Variants in CTNNA3 observed in about 807,000 individuals in gnomAD.
CTNNA3 encodes the protein catenin alpha-3.
A neutral mutation model predicts 95.7 loss-of-function variants in CTNNA3; 76 were observed. The observed-to-expected ratio is 0.79, with a 90% confidence interval of 0.66 to 0.96. CTNNA3 has a LOEUF of 0.96. Ranked by LOEUF, CTNNA3 falls within the 40% of genes least tolerant of loss-of-function variation. The probability of loss-of-function intolerance (pLI) is 0.00; values close to 1 mark genes in which losing one functional copy is unlikely to be tolerated. For synonymous variants in CTNNA3, 431 were observed against 374.4 expected (o/e 1.15, Z -1.74); for missense variants, 1,191 against 1,089.8 (o/e 1.09, Z -1.31).
chr10:67,556,481 G>A (rs1028766202), intron 3 of CTNNA3, among the ~76,000 whole-genome samples: 5 of 152,058 alleles, frequency 3.3e-5, no homozygotes, highest in African/African-American at 1.2e-4. Context: ...GTTTAGTCTT[G>A]GGAGGGTGTA....
intron 11 of CTNNA3, among the ~76,000 whole-genome samples, chr10:66,428,295 A>G (rs1302552993): frequency 6.6e-6 from 1 of 152,108 alleles, no homozygotes; most frequent in Non-Finnish European, 1.5e-5. Context: ...CTCCCACACA[A>G]TGATAATGGA....
chr10:67,745,370 G>A (rs1589587893), intron 1 of CTNNA3, among the ~76,000 whole-genome samples: 1 of 152,058 alleles, frequency 6.6e-6, no homozygotes, highest in African/African-American at 2.4e-5. Context: ...TGACATGGTT[G>A]AAGCTGGAAA....
At chr10:67,613,114 G>A (rs529468774) in intron 2 of CTNNA3, among the ~76,000 whole-genome samples, 196 of 152,208 alleles carry the variant, frequency 1.3e-3, no homozygotes, top group African/African-American at 4.6e-3. Context: ...TCTTCTATCT[G>A]TGGAATCTGA....
intron 15 of CTNNA3, among the ~76,000 whole-genome samples, chr10:66,011,491 C>A (rs2079003790): frequency 6.6e-6 from 1 of 152,106 alleles, no homozygotes; most frequent in African/African-American, 2.4e-5. Flanking sequence ...AATTGTATGG[C>A]ATTTTACAAC....
chr10:67,708,410 T>C (rs1297116224), intron 1 of CTNNA3, among the ~76,000 whole-genome samples: 1 of 152,180 alleles, frequency 6.6e-6, no homozygotes, highest in Non-Finnish European at 1.5e-5. Context: ...CTTGTATTGA[T>C]GGTTCTAAAA....
At chr10:67,130,283 G>A (rs78218745) in intron 7 of CTNNA3, among the ~76,000 whole-genome samples, 3,922 of 152,134 alleles carry the variant, frequency 0.026, 165 homozygotes, top group East Asian at 0.14. Flanking sequence ...ATGAAATCCA[G>A]TCTCCTTGGT....
chr10:66,691,316 A>C (rs1359574633), intron 9 of CTNNA3, among the ~76,000 whole-genome samples: 3 of 152,176 alleles, frequency 2.0e-5, no homozygotes, highest in Non-Finnish European at 2.9e-5. Context: ...TATCCCACAC[A>C]TGGCTTGCAG....
At chr10:67,726,127 G>C (rs1261067673) in intron 1 of CTNNA3, among the ~76,000 whole-genome samples, 2 of 102,884 alleles carry the variant, frequency 1.9e-5, no homozygotes, top group Non-Finnish European at 3.5e-5. Flanking sequence ...TATTATATTA[G>C]ATAATATATA....
intron 5 of CTNNA3, among the ~76,000 whole-genome samples, chr10:67,442,913 T>A (rs976640123): frequency 2.0e-5 from 3 of 149,760 alleles, no homozygotes; most frequent in African/African-American, 7.3e-5. Context: ...TCATTTAGCA[T>A]TAGGTATATC....
Position 66,531,872 on chromosome 10 carries a change from AAC to A in CTNNA3, c.1375-11101_1375-11100del, listed in dbSNP as rs577859070. The stretch of plus-strand genomic sequence containing the variant: ...CAATGATGAAAAAATAAATATAGGC[AAC>A]AGAGATTTTTTGATCCATTATAATT... On this transcript the variant is annotated intron_variant, in intron 10 of 17. Coordinates refer to ENST00000433211, the MANE Select transcript of CTNNA3 (RefSeq NM_013266.4). Among the ~76,000 whole-genome samples, 28 of 152,272 alleles carry A rather than the reference AAC, an allele frequency of 1.8e-4. No homozygotes were observed. In the East Asian group the frequency reaches 5.0e-3, roughly 27 times the overall value.
chr10:66,423,936 G>T (rs940030281), intron 11 of CTNNA3, among the ~76,000 whole-genome samples: 1 of 152,182 alleles, frequency 6.6e-6, no homozygotes, highest in African/African-American at 2.4e-5. Flanking sequence ...GCCAAAGGTG[G>T]AAGAGTTAAT....
intron 15 of CTNNA3, among the ~76,000 whole-genome samples, chr10:66,050,279 C>T (rs909381687): frequency 1.3e-5 from 2 of 152,038 alleles, no homozygotes; most frequent in African/African-American, 4.8e-5. Flanking sequence ...TCCAAAATAT[C>T]TGATTTTGAA....
At chr10:66,238,693 T>TG (rs2089975810) in intron 13 of CTNNA3, among the ~76,000 whole-genome samples, 1 of 151,808 alleles carries the variant, frequency 6.6e-6, no homozygotes, top group Admixed American at 6.6e-5. Context: ...TATATATATA[T>TG]ATATAATTTT....
chr10:66,483,375 T>TA (rs199931354), intron 11 of CTNNA3, among the ~76,000 whole-genome samples: 1 of 151,946 alleles, frequency 6.6e-6, no homozygotes, highest in Non-Finnish European at 1.5e-5. Context: ...GCTTTTTTTT[T>TA]ATCATTATTA....
At chr10:66,870,149 T>A (rs190419333) in intron 7 of CTNNA3, among the ~76,000 whole-genome samples, 2 of 152,256 alleles carry the variant, frequency 1.3e-5, no homozygotes, top group Admixed American at 6.5e-5. Context: ...AATTTTTTTT[T>A]AAACTTCATT....
intron 12 of CTNNA3, among the ~76,000 whole-genome samples, chr10:66,312,362 G>A (rs2092032777): frequency 6.6e-6 from 1 of 152,018 alleles, no homozygotes; most frequent in East Asian, 1.9e-4. Context: ...ATCTTTCTTA[G>A]AAATTTTTGA....
intron 13 of CTNNA3, among the ~76,000 whole-genome samples, chr10:66,121,760 G>A (rs913141403): frequency 2.0e-5 from 3 of 152,080 alleles, no homozygotes; most frequent in Non-Finnish European, 2.9e-5. Context: ...TAGATCGCTT[G>A]AGCCCTGGAA....
chr10:66,169,691 G>T (rs10822735), intron 13 of CTNNA3, among the ~76,000 whole-genome samples: 92,986 of 151,960 alleles, frequency 0.61, 30,368 homozygotes, highest in South Asian at 0.82. Context: ...TCTATTATTT[G>T]TTTATTTTTT....
intron 11 of CTNNA3, among the ~76,000 whole-genome samples, chr10:66,455,369 A>C (rs769706280): frequency 6.6e-6 from 1 of 152,178 alleles, no homozygotes; most frequent in Non-Finnish European, 1.5e-5. Flanking sequence ...CAAGAAATCC[A>C]CAAAAGACTC....
Sources: gnomAD v4.1 joint callset for allele counts (sites outside exome capture counted in the v4.1 genomes callset) on GRCh38, gnomAD v4.1.1 for gene constraint, MANE v1.5 for transcripts, NCBI Gene and HGNC (gene_info 2026-07-23, HGNC 2026-07-21) for gene names.